SF3B1: variants seen among roughly 807,000 people sequenced by gnomAD.
SF3B1 encodes the protein pre-mRNA processing 10.
SF3B1 carries 12 observed loss-of-function variants against 153.8 expected under a neutral mutation model. The observed-to-expected ratio is 0.08, with a 90% confidence interval of 0.05 to 0.13. SF3B1 has a LOEUF of 0.13. Among genes scored for constraint, SF3B1 ranks in the 10% least tolerant of loss-of-function variants. The pLI is 1.00. For synonymous variants in SF3B1, 498 were observed against 525.2 expected (o/e 0.95, Z 0.71); for missense variants, 513 against 1,606.1 (o/e 0.32, Z 11.63).
chr2:197,418,475 C>T (rs748303774), intron 5 of SF3B1, 34 bp downstream of exon 5: 1 of 1,500,936 alleles, frequency 6.7e-7, no homozygotes, highest in South Asian at 1.2e-5. Context: ...TATATTCTTT[C>T]ACAACCATTA....
chr2:197,431,127 T>C (rs1290898462), intron 1 of SF3B1, among the ~76,000 whole-genome samples: 1 of 146,002 alleles, frequency 6.8e-6, no homozygotes, highest in Non-Finnish European at 1.5e-5. Flanking sequence ...TTTTTTTTTT[T>C]TTTGAGACAG....
chr2:197,404,946 G>C lies in SF3B1; in HGVS notation c.1539+130C>G, dbSNP rs1377813730. 4 of 612,362 alleles carry C rather than the reference G, an allele frequency of 6.5e-6. No individual in the cohort carries two copies. The East Asian group carries it at 1.2e-4, about 18-fold the overall frequency. The allele number at this position is 612,362 out of a possible 1,614,324, so 37.9% of individuals were successfully genotyped here. A position where few individuals can be genotyped will look rare whatever the true frequency, so the allele number is the denominator to read the frequency against. On this transcript the variant is annotated intron_variant, in intron 11 of 24. Coordinates refer to ENST00000335508, the MANE Select transcript of SF3B1 (RefSeq NM_012433.4). ...GTAATCCCAGCACTTTGGGAGGTAG[G>C]CCAAAGCAGGAGGATCACTTGAGAC...
chr2:197,404,903 G>A (rs1574531273), intron 11 of SF3B1, 173 bp downstream of exon 11: 2 of 534,032 alleles, frequency 3.7e-6, no homozygotes, highest in Non-Finnish European at 6.7e-6. Context: ...ACATGGCCAG[G>A]TGCAGAGCCT....
intron 23 of SF3B1, chr2:197,393,402 TA>T: frequency 1.8e-6 from 1 of 552,662 alleles, no homozygotes; most frequent in South Asian, 2.6e-5. Flanking sequence ...ACTTTTGCTT[TA>T]ATTACTCAAG....
At chr2:197,421,518 T>A (rs1290367543) in intron 2 of SF3B1, among the ~76,000 whole-genome samples, 1 of 152,222 alleles carries the variant, frequency 6.6e-6, no homozygotes, top group Non-Finnish European at 1.5e-5. Flanking sequence ...TTAACACAAT[T>A]TAACAACCAT....
chr2:197,429,156 G>A (rs1490838371), intron 1 of SF3B1, among the ~76,000 whole-genome samples: 1 of 152,096 alleles, frequency 6.6e-6, no homozygotes, highest in Admixed American at 6.5e-5. Flanking sequence ...TTCCCAGTTT[G>A]GACTCATAGT....
chr2:197,422,097 T>A (rs544405469), intron 2 of SF3B1, among the ~76,000 whole-genome samples: 1 of 152,286 alleles, frequency 6.6e-6, no homozygotes, highest in East Asian at 1.9e-4. Context: ...CTTATTTTAT[T>A]TAAAGATAAA....
chr2:197,417,192 G>A (rs147872781), intron 5 of SF3B1, among the ~76,000 whole-genome samples: 1 of 152,184 alleles, frequency 6.6e-6, no homozygotes, highest in Non-Finnish European at 1.5e-5. Flanking sequence ...GTCAACAATG[G>A]AGAACCATAA....
Position 197,402,875 on chromosome 2 carries a change from T to C in SF3B1, c.1807-49A>G, listed in dbSNP as rs2105987721. 3.7e-6 allele frequency: 6 copies of C among 1,610,592 alleles called. No homozygotes were observed. The highest frequency in any genetic ancestry group is 5.1e-6 in the Non-Finnish European group (6 of 1,177,708). ...CAGTCATGAGTTGGTAATATTAATC[T>C]TCAACCATTTCTTTCCATAATCAAT... On this transcript the variant is annotated intron_variant, in intron 13 of 24. Coordinates refer to ENST00000335508, the MANE Select transcript of SF3B1 (RefSeq NM_012433.4). This position sits in a 1 kb window ranked among gnomAD's most constrained non-coding sequence, Gnocchi z 4.6.
chr2:197,393,217 A>C, intron 23 of SF3B1, 29 bp from the exon 24 acceptor site: 1 of 1,473,082 alleles, frequency 6.8e-7, no homozygotes, highest in Non-Finnish European at 9.5e-7. Flanking sequence ...AAGTCCTTTA[A>C]GATGCGGTCT....
Position 197,405,088 on chromosome 2 carries a change from T to C in SF3B1, c.1527A>G (p.Pro509=). ...KLLLKIKNGT[P]PMRKAALRQI... The stretch of plus-strand genomic sequence containing the variant: ...AACTGGGACTTACCTTTCTCATTGG[T>C]GGTGTTCCATTCTTAATTTTTAAAA... Residue 509 remains proline, a synonymous_variant, in exon 11 of 25, where the codon CCA becomes CCG. Coordinates refer to ENST00000335508, the MANE Select transcript of SF3B1 (RefSeq NM_012433.4). The C allele has an allele frequency of 6.3e-7, 1 of 1,596,974 alleles. No homozygotes were observed. Among genetic ancestry groups the C allele is most frequent in the Non-Finnish European group, 8.6e-7 (1 of 1,166,384 alleles).
chr2:197,416,501 G>C, intron 6 of SF3B1: 1 of 399,456 alleles, frequency 2.5e-6, no homozygotes, highest in Non-Finnish European at 4.5e-6. Flanking sequence ...ATGGACAACA[G>C]AGCTTGCTGG....
At chr2:197,398,939 A>C (rs1468048207) in intron 20 of SF3B1, 2 of 708,358 alleles carry the variant, frequency 2.8e-6, no homozygotes, top group Admixed American at 4.7e-5. Context: ...ATGTAAATAA[A>C]GCAAAAATTT....
chr2:197,421,236 G>T, intron 2 of SF3B1, 103 bp from the exon 3 acceptor site: 1 of 730,534 alleles, frequency 1.4e-6, no homozygotes, highest in Non-Finnish European at 2.4e-6. Context: ...TCTATTGACA[G>T]TGTGATGTCT....
intron 4 of SF3B1, 97 bp from the exon 5 acceptor site, chr2:197,418,685 C>A: frequency 2.7e-6 from 4 of 1,473,748 alleles, no homozygotes; most frequent in Non-Finnish European, 3.6e-6. Context: ...TTATGTTATT[C>A]CATAATCATT....
rs139130651 is a variant in SF3B1 at position 197,400,647 on chromosome 2, T to C, written c.2718+68A>G. 15 of 1,288,822 alleles carry C rather than the reference T, an allele frequency of 1.2e-5. No homozygotes were observed. In the African/African-American group the frequency reaches 2.2e-4, roughly 19 times the overall value. 79.8% of individuals were successfully genotyped at this position (1,288,822 alleles called of 1,614,324 possible). A position where few individuals can be genotyped will look rare whatever the true frequency, so the allele number is the denominator to read the frequency against. ...TCAATTGCATTCTAGAAAAATTTGC[T>C]TGACAACTAATATGCTTTTCTACAA... On this transcript the variant is annotated intron_variant, in intron 18 of 24. Transcript: ENST00000335508. This position sits in a 1 kb window ranked among gnomAD's most constrained non-coding sequence, Gnocchi z 5.0.
chr2:197,409,189 CG>C (rs1559269164), intron 7 of SF3B1, among the ~76,000 whole-genome samples: 1 of 151,988 alleles, frequency 6.6e-6, no homozygotes, highest in East Asian at 1.9e-4. Flanking sequence ...CATCTGAGGT[CG>C]GGAGTTCGAG....
intron 23 of SF3B1, among the ~76,000 whole-genome samples, chr2:197,394,184 CAA>C (rs899536134): frequency 6.9e-6 from 1 of 144,572 alleles, no homozygotes; most frequent in Non-Finnish European, 1.5e-5. Flanking sequence ...AACTCTGTCT[CAA>C]AAAAAAAAGA....
chr2:197,392,920 G>A, intron 24 of SF3B1, 52 bp downstream of exon 24: 2 of 1,010,006 alleles, frequency 2.0e-6, no homozygotes, highest in Non-Finnish European at 2.9e-6. Context: ...AGAACTTAAA[G>A]TATTATTTAA....
Sources: gnomAD v4.1 joint callset for allele counts (sites outside exome capture counted in the v4.1 genomes callset) on GRCh38, gnomAD v4.1.1 for gene constraint, Gnocchi (gnomAD v3.1) non-coding constraint, MANE v1.5 for transcripts, NCBI Gene and HGNC (gene_info 2026-07-23, HGNC 2026-07-21) for gene names.